Variants in ANK3 observed in about 807,000 individuals in gnomAD.
ANK3 encodes ankyrin 3.
Under a neutral mutation model 370.9 loss-of-function variants are expected in ANK3, and 57 were observed. The ratio of observed to expected loss-of-function variants is 0.15; its 90% confidence interval spans 0.12 to 0.19. The LOEUF (loss-of-function observed/expected upper bound fraction) is 0.19, where lower values mean the gene tolerates loss of function less well. Among genes scored for constraint, ANK3 ranks in the 10% least tolerant of loss-of-function variants. The probability of loss-of-function intolerance (pLI) is 1.00; values close to 1 mark genes in which losing one functional copy is unlikely to be tolerated. For missense variants in ANK3, 4,439 were observed against 5,302.1 expected (o/e 0.84, Z 5.06); for synonymous variants, 1,929 against 1,946.3 (o/e 0.99, Z 0.23).
At chr10:60,520,175 G>A (rs1397473460) in intron 2 of ANK3, among the ~76,000 whole-genome samples, 1 of 152,076 alleles carries the variant, frequency 6.6e-6, no homozygotes, top group Non-Finnish European at 1.5e-5. Flanking sequence ...GCAAATTAAT[G>A]CAGAAACAGA....
chr10:60,618,856 T>C (rs1383070463), intron 1 of ANK3, among the ~76,000 whole-genome samples: 1 of 152,144 alleles, frequency 6.6e-6, no homozygotes, highest in East Asian at 1.9e-4. Context: ...CCTATTCACC[T>C]GACCCTAAAT....
intron 1 of ANK3, among the ~76,000 whole-genome samples, chr10:60,351,896 T>C (rs571647717): frequency 2.6e-5 from 4 of 152,056 alleles, no homozygotes; most frequent in Admixed American, 2.6e-4. Context: ...TAACAATGCA[T>C]TAAAAAGACC....
intron 1 of ANK3, among the ~76,000 whole-genome samples, chr10:60,637,021 C>A (rs765977750): frequency 6.6e-5 from 10 of 152,202 alleles, no homozygotes; most frequent in Non-Finnish European, 1.0e-4. Context: ...CTACTACATT[C>A]TCACTCCAAA....
At chr10:60,641,784 A>G (rs1189756107) in intron 1 of ANK3, among the ~76,000 whole-genome samples, 2 of 152,138 alleles carry the variant, frequency 1.3e-5, no homozygotes, top group Non-Finnish European at 2.9e-5. Context: ...GACAAATGGG[A>G]TCTAATTAAA....
intron 2 of ANK3, among the ~76,000 whole-genome samples, chr10:60,432,484 G>T (rs1216417217): frequency 6.6e-6 from 1 of 152,158 alleles, no homozygotes; most frequent in South Asian, 2.1e-4. Context: ...GATAGCAGAA[G>T]ATCTCCTAAC....
intron 2 of ANK3, chr10:60,572,714 T>C: frequency 7.2e-7 from 1 of 1,385,006 alleles, no homozygotes; most frequent in Non-Finnish European, 9.3e-7. Flanking sequence ...AATGTAGCCC[T>C]GTTCAGCTTT....
chr10:60,421,679 C>T (rs1349358992), intron 2 of ANK3, among the ~76,000 whole-genome samples: 1 of 152,012 alleles, frequency 6.6e-6, no homozygotes, highest in African/African-American at 2.4e-5. Context: ...CCATAGATCT[C>T]ATAAGTAGAC....
intron 1 of ANK3, among the ~76,000 whole-genome samples, chr10:60,652,163 C>T (rs1208863645): frequency 2.0e-5 from 3 of 152,076 alleles, no homozygotes; most frequent in Non-Finnish European, 4.4e-5. Flanking sequence ...AATGCCAGCA[C>T]TCAAGTAATC....
chr10:60,229,550 A>C (rs2097210713), intron 8 of ANK3, among the ~76,000 whole-genome samples: 1 of 152,220 alleles, frequency 6.6e-6, no homozygotes. Context: ...GGCTGAAATT[A>C]TAGTACATCC....
intron 1 of ANK3, among the ~76,000 whole-genome samples, chr10:60,701,862 C>T (rs1297840802): frequency 1.3e-5 from 2 of 151,932 alleles, no homozygotes; most frequent in Non-Finnish European, 2.9e-5. Flanking sequence ...AAAATTAAAC[C>T]ATAAGCTCTA....
At chr10:60,059,605 G>T in intron 40 of ANK3, 175 bp from the exon 41 acceptor site, 1 of 1,403,636 alleles carries the variant, frequency 7.1e-7, no homozygotes, top group Non-Finnish European at 9.7e-7. Context: ...CCTTTCTCCT[G>T]CTGCTCAGAG....
intron 2 of ANK3, among the ~76,000 whole-genome samples, chr10:60,398,482 A>G (rs1245313098): frequency 6.6e-6 from 1 of 152,166 alleles, no homozygotes; most frequent in Non-Finnish European, 1.5e-5. Flanking sequence ...TATATGTGAT[A>G]TGCATACATG....
chr10:60,528,000 C>T (rs113969523), intron 2 of ANK3, among the ~76,000 whole-genome samples: 23 of 152,044 alleles, frequency 1.5e-4, no homozygotes, highest in Middle Eastern at 6.8e-3. Context: ...TCAGATTAAA[C>T]GAAAGTCTAG....
intron 1 of ANK3, among the ~76,000 whole-genome samples, chr10:60,727,384 T>A (rs963387161): frequency 1.3e-5 from 2 of 152,110 alleles, no homozygotes; most frequent in African/African-American, 4.8e-5. Flanking sequence ...GCAAAACTCA[T>A]CTATAGTGAA....
At chr10:60,138,739 A>G in intron 24 of ANK3, 1 of 596,898 alleles carries the variant, frequency 1.7e-6, no homozygotes, top group Non-Finnish European at 2.8e-6. Flanking sequence ...GTGGGAAAAA[A>G]AAAAAGAACA....
intron 1 of ANK3, among the ~76,000 whole-genome samples, chr10:60,660,918 T>A (rs74155646): frequency 0.052 from 7,812 of 148,840 alleles, 260 homozygotes; most frequent in African/African-American, 0.086. Flanking sequence ...AAATACACAC[T>A]CACACACACA....
At chr10:60,400,126 C>A (rs1029916433) in intron 2 of ANK3, among the ~76,000 whole-genome samples, 2 of 150,944 alleles carry the variant, frequency 1.3e-5, no homozygotes, top group African/African-American at 4.9e-5. Flanking sequence ...GTGGGATTTG[C>A]TAAATAGAAA....
intron 2 of ANK3, among the ~76,000 whole-genome samples, chr10:60,607,007 G>A (rs1231054862): frequency 1.3e-5 from 2 of 152,100 alleles, no homozygotes; most frequent in African/African-American, 4.8e-5. Flanking sequence ...GAGGTATCAA[G>A]GAAATGAGAG....
chr10:60,362,912 T>G (rs1594522482), intron 1 of ANK3, among the ~76,000 whole-genome samples: 1 of 152,070 alleles, frequency 6.6e-6, no homozygotes, highest in South Asian at 2.1e-4. Context: ...CCGGGGACAT[T>G]AGAGCTGGTC....
Sources: gnomAD v4.1 joint callset for allele counts (sites outside exome capture counted in the v4.1 genomes callset) on GRCh38, gnomAD v4.1.1 for gene constraint, MANE v1.5 for transcripts, NCBI Gene and HGNC (gene_info 2026-07-23, HGNC 2026-07-21) for gene names.